Variants in CD2AP observed in about 807,000 individuals in gnomAD.
CD2AP encodes CD2-associated protein.
Under a neutral mutation model 85.1 loss-of-function variants are expected in CD2AP, and 46 were observed. The ratio of observed to expected loss-of-function variants is 0.54; its 90% confidence interval spans 0.43 to 0.69. The LOEUF is 0.69. Ranked by LOEUF, CD2AP falls within the 30% of genes least tolerant of loss-of-function variation. The pLI, the probability that CD2AP is intolerant of heterozygous loss-of-function variation, is 0.00. For missense variants in CD2AP, 769 were observed against 729.5 expected, an observed-to-expected ratio of 1.05 and a Z score of -0.62; for synonymous variants, 255 against 252.9, an observed-to-expected ratio of 1.01 and a Z score of -0.08.
chr6:47,574,370 G>T lies in CD2AP; in HGVS notation c.729+119G>T, dbSNP rs2114096631. On this transcript the variant is annotated intron_variant, in intron 6 of 17. Coordinates refer to ENST00000359314, the MANE Select transcript of CD2AP (RefSeq NM_012120.3). ...CTTTTTTTCAGATCACTAATAATTTGGTTATGAATGAGGAGGCTGTGAGAA... is the reference window on the plus strand; with the variant it reads ...CTTTTTTTCAGATCACTAATAATTTTGTTATGAATGAGGAGGCTGTGAGAA... 3 of 899,956 alleles carry T rather than the reference G, an allele frequency of 3.3e-6. No individual in the cohort carries two copies. In the East Asian group the frequency reaches 7.9e-5, roughly 24 times the overall value. 55.7% of individuals were successfully genotyped at this position (899,956 alleles called of 1,614,324 possible).
intron 17 of CD2AP, among the ~76,000 whole-genome samples, chr6:47,619,988 C>G (rs1582633148): frequency 6.6e-6 from 1 of 152,234 alleles, no homozygotes; most frequent in Admixed American, 6.5e-5. Flanking sequence ...TGTATAGATT[C>G]TGAAGATTTT....
intron 4 of CD2AP, among the ~76,000 whole-genome samples, chr6:47,549,460 C>A (rs1387200146): frequency 1.5e-3 from 169 of 110,654 alleles, no homozygotes; most frequent in South Asian, 2.3e-3. Context: ...ACAATAGCTG[C>A]AAAAAAAAAA....
chr6:47,526,642 G>C (rs1766736970), intron 2 of CD2AP, among the ~76,000 whole-genome samples: 1 of 152,132 alleles, frequency 6.6e-6, no homozygotes. Context: ...TGAACACAAT[G>C]GAACCAGGAT....
intron 11 of CD2AP, among the ~76,000 whole-genome samples, chr6:47,595,440 G>A (rs1383309024): frequency 6.6e-6 from 1 of 151,392 alleles, no homozygotes; most frequent in Non-Finnish European, 1.5e-5. Flanking sequence ...ATGTTATATA[G>A]GACTTGAGTT....
At chr6:47,539,132 T>A (rs1767135573) in intron 3 of CD2AP, among the ~76,000 whole-genome samples, 1 of 152,206 alleles carries the variant, frequency 6.6e-6, no homozygotes, top group Non-Finnish European at 1.5e-5. Flanking sequence ...GAACATCAAG[T>A]TACTATAAAA....
At chr6:47,479,746 G>A (rs773888673) in intron 1 of CD2AP, among the ~76,000 whole-genome samples, 1 of 152,052 alleles carries the variant, frequency 6.6e-6, no homozygotes, top group African/African-American at 2.4e-5. Flanking sequence ...TGGGGATGCA[G>A]TCTTGTTTTG....
chr6:47,618,757 A>G (rs956093370), intron 17 of CD2AP, among the ~76,000 whole-genome samples: 1 of 152,202 alleles, frequency 6.6e-6, no homozygotes, highest in Non-Finnish European at 1.5e-5. Context: ...ACAAGAGTCA[A>G]ATTGTTTCTC....
At chr6:47,604,091 A>T (rs562556956) in intron 13 of CD2AP, among the ~76,000 whole-genome samples, 1 of 152,208 alleles carries the variant, frequency 6.6e-6, no homozygotes, top group East Asian at 1.9e-4. Flanking sequence ...TCCAAATTGG[A>T]TATTTCATTT....
intron 17 of CD2AP, among the ~76,000 whole-genome samples, chr6:47,616,542 T>G (rs981471056): frequency 2.0e-5 from 3 of 152,242 alleles, no homozygotes; most frequent in Admixed American, 6.5e-5. Flanking sequence ...ATTATCAGAC[T>G]TTATTTTATC....
chr6:47,553,971 T>G (rs908512592), intron 4 of CD2AP, among the ~76,000 whole-genome samples: 25 of 152,166 alleles, frequency 1.6e-4, no homozygotes, highest in Non-Finnish European at 3.5e-4. Flanking sequence ...CTTTTTTCTT[T>G]TTTTGAGACA....
In CD2AP at chr6:47,580,769, C is replaced by A. The variant is rs967647109; in HGVS notation, c.1009-95C>A. On this transcript the variant is annotated intron_variant, in intron 9 of 17. Transcript: ENST00000359314. ...TCAAGGATTGAATGAAGAGGAGAGACATTTGTATAATTTAGATTATTACTA... is the reference window on the plus strand; with the variant it reads ...TCAAGGATTGAATGAAGAGGAGAGAAATTTGTATAATTTAGATTATTACTA... The A allele has an allele frequency of 1.9e-5, 16 of 847,194 alleles. No homozygotes were observed. The African/African-American group carries it at 2.7e-4, about 15-fold the overall frequency. 52.5% of individuals were successfully genotyped at this position (847,194 alleles called of 1,614,324 possible).
At chr6:47,609,007 T>A (rs1339605636) in intron 15 of CD2AP, 116 bp from the exon 16 acceptor site, 1 of 718,080 alleles carries the variant, frequency 1.4e-6, no homozygotes, top group African/African-American at 1.8e-5. Context: ...GCTTTTGAAT[T>A]TCCAAATTTG....
At chr6:47,537,919 T>G (rs1299946792) in intron 3 of CD2AP, among the ~76,000 whole-genome samples, 1 of 151,476 alleles carries the variant, frequency 6.6e-6, no homozygotes, top group Non-Finnish European at 1.5e-5. Context: ...CTGGCTAATT[T>G]TTTCTATTTT....
intron 17 of CD2AP, among the ~76,000 whole-genome samples, chr6:47,621,816 C>A (rs1162274580): frequency 1.3e-5 from 2 of 152,056 alleles, no homozygotes; most frequent in Non-Finnish European, 2.9e-5. Context: ...TCTAGGTTTT[C>A]TAGTTTATGT....
intron 2 of CD2AP, among the ~76,000 whole-genome samples, chr6:47,532,376 TACACACACACAC>T (rs10522555): frequency 0.13 from 17,804 of 141,874 alleles, 1,984 homozygotes; most frequent in East Asian, 0.54. Context: ...TATATATGTA[TACACACACACAC>T]ACACACACAC....
At chr6:47,551,351 G>A (rs1582548383) in intron 4 of CD2AP, among the ~76,000 whole-genome samples, 2 of 152,108 alleles carry the variant, frequency 1.3e-5, no homozygotes, top group South Asian at 4.1e-4. Flanking sequence ...ACCCTGTAAT[G>A]TAATTTATCA....
At chr6:47,586,669 G>A (rs555652310) in intron 11 of CD2AP, among the ~76,000 whole-genome samples, 182 of 152,162 alleles carry the variant, frequency 1.2e-3, no homozygotes, top group African/African-American at 4.2e-3. Context: ...CTGTATTACA[G>A]AAAATGTTAA....
chr6:47,515,163 A>G (rs16869214), intron 2 of CD2AP, among the ~76,000 whole-genome samples: 38,155 of 151,992 alleles, frequency 0.25, 5,503 homozygotes, highest in East Asian at 0.6. Flanking sequence ...ATAAAAAGAT[A>G]ATTAGGCAGA....
At chr6:47,597,565 A>G (rs1041546323) in intron 12 of CD2AP, among the ~76,000 whole-genome samples, 4 of 150,988 alleles carry the variant, frequency 2.6e-5, no homozygotes, top group African/African-American at 9.7e-5. Context: ...TGGCAGCTGG[A>G]GGAACAGCAG....
Sources: gnomAD v4.1 joint callset for allele counts (sites outside exome capture counted in the v4.1 genomes callset) on GRCh38, gnomAD v4.1.1 for gene constraint, MANE v1.5 for transcripts, NCBI Gene and HGNC (gene_info 2026-07-23, HGNC 2026-07-21) for gene names.